Variants in LRP1B observed in about 807,000 individuals in gnomAD.
LRP1B encodes LDL receptor related protein 1B.
LRP1B carries 217 observed loss-of-function variants against 556.6 expected under a neutral mutation model. That is an observed-to-expected ratio of 0.39 (90% CI 0.35 to 0.44). The LOEUF (loss-of-function observed/expected upper bound fraction) is 0.44. Ranked by LOEUF, LRP1B falls within the 20% of genes least tolerant of loss-of-function variation. The pLI is 1.00. For missense variants in LRP1B, 5,053 were observed against 5,620.8 expected (o/e 0.90, Z 3.23); for synonymous variants, 2,047 against 1,865.8 (o/e 1.10, Z -2.50).
chr2:141,197,297 A>G (rs1407360755), intron 6 of LRP1B, among the ~76,000 whole-genome samples: 19 of 152,090 alleles, frequency 1.2e-4, no homozygotes, highest in African/African-American at 4.6e-4. Context: ...GAAAAACCCT[A>G]CCTTCATTGG....
intron 7 of LRP1B, among the ~76,000 whole-genome samples, chr2:141,114,923 C>A (rs1700850011): frequency 6.6e-6 from 1 of 152,096 alleles, no homozygotes; most frequent in Non-Finnish European, 1.5e-5. Flanking sequence ...CCAAAGCTCT[C>A]CTTGATTCTA....
At chr2:140,723,047 A>C (rs538492108) in intron 35 of LRP1B, among the ~76,000 whole-genome samples, 5 of 152,308 alleles carry the variant, frequency 3.3e-5, no homozygotes, top group African/African-American at 9.6e-5. Flanking sequence ...TGTCTCAAAA[A>C]ATAAATAAAT....
At chr2:140,852,729 T>C (rs1414778603) in intron 27 of LRP1B, among the ~76,000 whole-genome samples, 1 of 152,212 alleles carries the variant, frequency 6.6e-6, no homozygotes, top group African/African-American at 2.4e-5. Context: ...AAATGACTTA[T>C]GATTTTTCAA....
intron 7 of LRP1B, among the ~76,000 whole-genome samples, chr2:141,124,659 C>T (rs1440512808): frequency 3.9e-5 from 2 of 50,950 alleles, no homozygotes; most frequent in African/African-American, 2.1e-4. Flanking sequence ...GATGGAGTGA[C>T]AAATGAAAAA....
chr2:141,753,933 A>T (rs1292395052), intron 2 of LRP1B, among the ~76,000 whole-genome samples: 2 of 152,114 alleles, frequency 1.3e-5, no homozygotes. Context: ...AGGAGTGTAC[A>T]TGCACACAGT....
intron 27 of LRP1B, among the ~76,000 whole-genome samples, chr2:140,861,061 C>T (rs1050163593): frequency 2.0e-5 from 3 of 151,974 alleles, no homozygotes; most frequent in African/African-American, 7.3e-5. Context: ...AGTTATTTAA[C>T]AAACACTTTT....
chr2:140,488,077 T>C (rs1396553579), intron 57 of LRP1B, among the ~76,000 whole-genome samples: 1 of 151,992 alleles, frequency 6.6e-6, no homozygotes, highest in South Asian at 2.1e-4. Context: ...TAGGTTAATA[T>C]GAAATATAAA....
intron 86 of LRP1B, among the ~76,000 whole-genome samples, chr2:140,260,086 G>A (rs746308992): frequency 6.6e-6 from 1 of 151,860 alleles, no homozygotes; most frequent in African/African-American, 2.4e-5. Context: ...TGTTTGTTTC[G>A]AATGAAGAAG....
At chr2:140,372,909 A>G (rs991920004) in intron 69 of LRP1B, 99 bp downstream of exon 69, 72 of 1,226,886 alleles carry the variant, frequency 5.9e-5, no homozygotes, top group Non-Finnish European at 7.3e-5. Flanking sequence ...TGGTAAACAT[A>G]TGACATATTT....
chr2:141,762,760 T>C (rs1558859154), intron 2 of LRP1B, among the ~76,000 whole-genome samples: 1 of 152,172 alleles, frequency 6.6e-6, no homozygotes, highest in Non-Finnish European at 1.5e-5. Flanking sequence ...GTGTTTTTCT[T>C]TAAGTTCTCT....
rs141664934 is a variant in LRP1B at position 141,064,580 on chromosome 2, T to A, written c.1014-2307A>T. ...TCAGATTCCTGACTGTGATGAGCTC[T>A]GTTCACTTTTGATTGAAATGCAAAA... On this transcript the variant is annotated intron_variant, in intron 7 of 90. Transcript: ENST00000389484. Among the ~76,000 whole-genome samples the A allele has an allele frequency of 5.3e-3, 799 of 152,144 alleles. 1 individual carries two copies. Among genetic ancestry groups the A allele is most frequent in the Non-Finnish European group, 8.6e-3 (583 of 67,922 alleles).
At chr2:141,788,786 GTGTT>G (rs990186742) in intron 2 of LRP1B, among the ~76,000 whole-genome samples, 1 of 151,410 alleles carries the variant, frequency 6.6e-6, no homozygotes, top group Non-Finnish European at 1.5e-5. Context: ...AGAACATGCG[GTGTT>G]TGTTTTTTTG....
intron 3 of LRP1B, among the ~76,000 whole-genome samples, chr2:141,425,063 T>TC (rs1680303273): frequency 7.0e-6 from 1 of 143,600 alleles, no homozygotes; most frequent in African/African-American, 2.6e-5. Flanking sequence ...ATGCTATCCC[T>TC]CCCCCGTCCC....
chr2:141,537,977 G>C (rs1460815971), intron 2 of LRP1B, among the ~76,000 whole-genome samples: 1 of 152,094 alleles, frequency 6.6e-6, no homozygotes, highest in East Asian at 1.9e-4. Flanking sequence ...TAGGATAAAA[G>C]TTTTCTCCGA....
intron 47 of LRP1B, among the ~76,000 whole-genome samples, chr2:140,527,410 A>T (rs1311899871): frequency 6.6e-6 from 1 of 152,020 alleles, no homozygotes; most frequent in African/African-American, 2.4e-5. Flanking sequence ...AAATTATATC[A>T]ATCACAAATG....
intron 3 of LRP1B, among the ~76,000 whole-genome samples, chr2:141,399,218 C>T (rs768101163): frequency 6.6e-6 from 1 of 151,754 alleles, no homozygotes; most frequent in Admixed American, 6.6e-5. Context: ...ATCGTGCCAC[C>T]GTGCTCCGGC....
chr2:141,261,502 C>G (rs1684683301), intron 3 of LRP1B, among the ~76,000 whole-genome samples: 1 of 152,124 alleles, frequency 6.6e-6, no homozygotes. Context: ...CCCCTTTGCA[C>G]CTCTACAGTC....
intron 55 of LRP1B, among the ~76,000 whole-genome samples, chr2:140,497,662 T>C (rs1235640766): frequency 6.6e-6 from 1 of 151,832 alleles, no homozygotes. Context: ...TTAGGACAAA[T>C]GAAAGGAAAT....
chr2:141,899,708 A>ACAAAAAAAAACAAAAAC, intron 1 of LRP1B, among the ~76,000 whole-genome samples: 1 of 152,224 alleles, frequency 6.6e-6, no homozygotes, highest in East Asian at 1.9e-4. Flanking sequence ...TGTCTTTGGA[A>ACAAAAAAAAACAAAAAC]AATCACAAGT....
Sources: gnomAD v4.1 joint callset for allele counts (sites outside exome capture counted in the v4.1 genomes callset) on GRCh38, gnomAD v4.1.1 for gene constraint, MANE v1.5 for transcripts, NCBI Gene and HGNC (gene_info 2026-07-23, HGNC 2026-07-21) for gene names.